The following WDR76 variants were observed in gnomAD, a reference collection of about 807,000 sequenced individuals.
WDR76 encodes the protein WD repeat domain 76.
In WDR76, 52 loss-of-function variants were observed where a neutral mutation model predicts 70.2. The ratio of observed to expected loss-of-function variants is 0.74; its 90% CI spans 0.59 to 0.93. The LOEUF (loss-of-function observed/expected upper bound fraction) is 0.93. WDR76 is among the 40% of genes least tolerant of loss of function. The pLI is 0.00. For missense variants in WDR76, 756 were observed against 760.2 expected (o/e 0.99, Z 0.07); for synonymous variants, 292 against 271.1 (o/e 1.08, Z -0.76).
chr15:43,830,796 C>T (rs1217475399), intron 2 of WDR76, among the ~76,000 whole-genome samples: 7 of 152,110 alleles, frequency 4.6e-5, no homozygotes, highest in South Asian at 2.1e-4. Context: ...CCTGCACTCC[C>T]GGCACTTTGG....
rs1189189856 is a variant in WDR76, at chr15:43,867,436, TGAAAA to T, written c.*1046_*1050del. 6.6e-6 allele frequency: 1 copy of T among 151,898 alleles called. No homozygotes were observed. Among genetic ancestry groups the T allele is most frequent in the Admixed American group, 6.6e-5 (1 of 15,222 alleles). The allele number at this position is 151,898 out of a possible 1,614,324, so 9.4% of individuals were successfully genotyped here. A position where few individuals can be genotyped will look rare whatever the true frequency, so the allele number is the denominator to read the frequency against. On this transcript the variant is annotated 3_prime_UTR_variant, in exon 13 of 13. Coordinates refer to ENST00000263795, the MANE Select transcript of WDR76 (RefSeq NM_024908.4). ...TGACAATGACTGGTGTTGAAAAAAA[TGAAAA>T]GGAAAGAATTTGTAAAGAACAGAAA...
chr15:43,849,728 G>A (rs1271343075), intron 8 of WDR76, among the ~76,000 whole-genome samples: 2 of 152,072 alleles, frequency 1.3e-5, no homozygotes, highest in African/African-American at 4.8e-5. Flanking sequence ...AGTAGAGACG[G>A]GGTTTCACCA....
chr15:43,856,315 T>G (rs972242186), intron 9 of WDR76, among the ~76,000 whole-genome samples: 1 of 143,630 alleles, frequency 7.0e-6, no homozygotes, highest in African/African-American at 2.9e-5. Flanking sequence ...AGATGTAGCC[T>G]GATTAACTGT....
chr15:43,842,745 G>A (rs568174437), intron 7 of WDR76, 74 bp downstream of exon 7: 146 of 1,386,134 alleles, frequency 1.1e-4, no homozygotes, highest in Non-Finnish European at 1.4e-4. Flanking sequence ...CGCCATTTTA[G>A]GGAATTTTGA....
rs2088083009 is a variant in WDR76 at position 43,867,096 on chromosome 15, A to G, written c.*704A>G. 2 of 152,224 alleles carry G rather than the reference A, an allele frequency of 1.3e-5. No individual in the cohort carries two copies. The highest frequency in any genetic ancestry group is 4.8e-5 in the African/African-American group (2 of 41,446). 9.4% of individuals were successfully genotyped at this position (152,224 alleles called of 1,614,324 possible). ...ACTTATTTCTAGACTCATACACTGG[A>G]AGGGGACCCGGAAAGGTAATGTAAC... On this transcript the variant is annotated 3_prime_UTR_variant, in exon 13 of 13. Coordinates refer to ENST00000263795, the MANE Select transcript of WDR76 (RefSeq NM_024908.4).
In WDR76 at chr15:43,834,638, G is replaced by A. The variant is rs538984617; in HGVS notation, c.463-423G>A. The stretch of plus-strand genomic sequence containing the variant: ...ACTTTTATATTTTTAGTAGAGATGA[G>A]GTTTCACCATTTTGGCCAGGTTGGT... On this transcript the variant is annotated intron_variant, in intron 2 of 12. Coordinates refer to ENST00000263795, the MANE Select transcript of WDR76 (RefSeq NM_024908.4). Among the ~76,000 whole-genome samples, 5 of 152,080 alleles carry A rather than the reference G, an allele frequency of 3.3e-5. No homozygotes were observed. In the South Asian group the frequency reaches 1.0e-3, roughly 32 times the overall value.
chr15:43,829,811 C>T (rs531394311), intron 2 of WDR76, among the ~76,000 whole-genome samples: 26 of 151,868 alleles, frequency 1.7e-4, no homozygotes, highest in Non-Finnish European at 2.9e-4. Flanking sequence ...TGGCCTAGCA[C>T]GGGTACTTCT....
chr15:43,835,316 A>G (rs947641373), intron 3 of WDR76, among the ~76,000 whole-genome samples, 166 bp downstream of exon 3: 1 of 33,824 alleles, frequency 3.0e-5, no homozygotes, highest in Non-Finnish European at 6.8e-5. Context: ...CCCGCCCCCC[A>G]CCCCAATCTC....
chr15:43,835,255 C>T lies in WDR76; in HGVS notation c.552+105C>T. On this transcript the variant is annotated intron_variant, in intron 3 of 12. Transcript: ENST00000263795. ...GCTGACATGGGAGAATCGCTTGAGG[C>T]CAGGAGTTCGAGATCAGCCTGGGTA... is the stretch of plus-strand genomic sequence containing the variant. 9.9e-7 allele frequency: 1 copy of T among 1,013,506 alleles called. No homozygotes were observed. The highest frequency in any genetic ancestry group is 1.5e-6 in the Non-Finnish European group (1 of 665,360). 62.8% of individuals were successfully genotyped at this position (1,013,506 alleles called of 1,614,324 possible). A position where few individuals can be genotyped will look rare whatever the true frequency, so the allele number is the denominator to read the frequency against.
chr15:43,836,436 T>C (rs1478216836), intron 4 of WDR76, among the ~76,000 whole-genome samples: 1 of 152,206 alleles, frequency 6.6e-6, no homozygotes, highest in Admixed American at 6.5e-5. Flanking sequence ...CTGAATTTTG[T>C]TTATATTTAT....
At chr15:43,833,393 A>T (rs1163282007) in intron 2 of WDR76, among the ~76,000 whole-genome samples, 1 of 143,204 alleles carries the variant, frequency 7.0e-6, no homozygotes, top group Admixed American at 7.4e-5. Flanking sequence ...ATCTCGGCTC[A>T]CTGCAAGCTC....
intron 8 of WDR76, among the ~76,000 whole-genome samples, chr15:43,846,766 G>T (rs985678432): frequency 1.3e-5 from 2 of 151,644 alleles, no homozygotes; most frequent in East Asian, 3.9e-4. Flanking sequence ...TCACACCTGT[G>T]ATCCCAGCAC....
chr15:43,858,967 C>A, intron 11 of WDR76, 144 bp downstream of exon 11: 1 of 1,088,812 alleles, frequency 9.2e-7, no homozygotes, highest in Non-Finnish European at 1.3e-6. Context: ...TTCCTAAAGA[C>A]TGGTGACCTG....
chr15:43,849,395 G>A (rs888374555), intron 8 of WDR76, among the ~76,000 whole-genome samples: 2 of 152,066 alleles, frequency 1.3e-5, no homozygotes, highest in African/African-American at 4.8e-5. Context: ...ACAGATTTAT[G>A]TGTACCTATA....
chr15:43,863,120 G>T (rs1279875975), intron 12 of WDR76, among the ~76,000 whole-genome samples: 2 of 151,968 alleles, frequency 1.3e-5, no homozygotes, highest in Non-Finnish European at 2.9e-5. Context: ...ATTTTTTTTA[G>T]TAGAGACAGG....
At chr15:43,827,689 C>T (rs2087533920) in intron 1 of WDR76, among the ~76,000 whole-genome samples, 1 of 152,094 alleles carries the variant, frequency 6.6e-6, no homozygotes, top group South Asian at 2.1e-4. Flanking sequence ...GGACTACAGG[C>T]GTGTGCCACT....
rs1204150833 is a variant in WDR76 at position 43,866,958 on chromosome 15, A to C, written c.*566A>C. 1 of 152,650 alleles carries C rather than the reference A, an allele frequency of 6.6e-6. No homozygotes were observed. The highest frequency in any genetic ancestry group is 1.9e-4 in the East Asian group (1 of 5,194). The allele number at this position is 152,650 out of a possible 1,614,324, so 9.5% of individuals were successfully genotyped here. On this transcript the variant is annotated 3_prime_UTR_variant, in exon 13 of 13. Coordinates refer to ENST00000263795, the MANE Select transcript of WDR76 (RefSeq NM_024908.4). ...AACTTGTAATCAAGACAGTATGTTG[A>C]GAAATTCTAACATTATAAATTACAA...
intron 2 of WDR76, among the ~76,000 whole-genome samples, chr15:43,831,068 AG>A (rs1244398577): frequency 6.6e-6 from 1 of 150,938 alleles, no homozygotes; most frequent in Admixed American, 6.6e-5. Context: ...CCAAAAAAAA[AG>A]AAAATATAAA....
chr15:43,833,623 C>CTT (rs796378317), intron 2 of WDR76, among the ~76,000 whole-genome samples: 1 of 137,828 alleles, frequency 7.3e-6, no homozygotes, highest in African/African-American at 2.6e-5. Context: ...CCAGCCCTTT[C>CTT]TTTTTTTTTT....
Sources: allele counts gnomAD v4.1 joint callset (sites outside exome capture counted in the v4.1 genomes callset), GRCh38; gene constraint gnomAD v4.1.1; transcripts MANE v1.5; gene names NCBI Gene and HGNC (gene_info 2026-07-23, HGNC 2026-07-21).